ITPKB: variants seen among roughly 807,000 people sequenced by gnomAD.
The protein encoded by ITPKB is inositol-trisphosphate 3-kinase B.
In ITPKB, 13 loss-of-function variants were observed where a neutral mutation model predicts 69.4. That is an observed-to-expected ratio of 0.19 (90% confidence interval 0.12 to 0.30). The LOEUF is 0.30. Among genes scored for constraint, ITPKB ranks in the 10% least tolerant of loss-of-function variants. The pLI, the probability that ITPKB is intolerant of heterozygous loss-of-function variation, is 1.00. For missense variants in ITPKB, 1,240 were observed against 1,250.5 expected (o/e 0.99, Z 0.13); for synonymous variants, 584 against 513.7 (o/e 1.14, Z -1.85).
intron 2 of ITPKB, chr1:226,707,309 C>T (rs1488329436): frequency 1.0e-5 from 2 of 195,820 alleles, no homozygotes; most frequent in Non-Finnish European, 1.8e-5. Context: ...AATTCTCCTG[C>T]CTCAGCCTCC....
intron 2 of ITPKB, among the ~76,000 whole-genome samples, chr1:226,659,299 G>T (rs1012168311): frequency 1.3e-5 from 2 of 152,090 alleles, no homozygotes; most frequent in African/African-American, 4.8e-5. Context: ...GGCCCAGACG[G>T]CAAGGACAGG....
chr1:226,684,676 T>G (rs1373193913), intron 2 of ITPKB, among the ~76,000 whole-genome samples: 1 of 152,198 alleles, frequency 6.6e-6, no homozygotes, highest in African/African-American at 2.4e-5. Context: ...CATGCAAAGA[T>G]CTCAGGCCTT....
At chr1:226,636,049 A>G (rs1330185445) in intron 7 of ITPKB, among the ~76,000 whole-genome samples, 1 of 152,254 alleles carries the variant, frequency 6.6e-6, no homozygotes, top group Non-Finnish European at 1.5e-5. Context: ...CTCTTTCTAG[A>G]CCTTAAGGGA....
intron 2 of ITPKB, among the ~76,000 whole-genome samples, chr1:226,682,933 C>T (rs959946107): frequency 6.6e-6 from 1 of 152,280 alleles, no homozygotes; most frequent in African/African-American, 2.4e-5. Context: ...GTTCTACCTA[C>T]CAAAGTGGGT....
In ITPKB at chr1:226,633,921, G is replaced by C. The variant is rs1668773681; in HGVS notation, c.*750C>G. ...GCAGAGTGTGCCTTCTGAACTCATG[G>C]GTTGCAATTCCAAGTGGCACAGCTT... is the stretch of plus-strand genomic sequence containing the variant. On this transcript the variant is annotated 3_prime_UTR_variant, in exon 8 of 8. Transcript: ENST00000429204. 6.6e-6 allele frequency: 1 copy of C among 152,260 alleles called. No individual in the cohort carries two copies. The highest frequency in any genetic ancestry group is 1.5e-5 in the Non-Finnish European group (1 of 68,078). The allele number at this position is 152,260 out of a possible 1,614,324, so 9.4% of individuals were successfully genotyped here. A position where few individuals can be genotyped will look rare whatever the true frequency, so the allele number is the denominator to read the frequency against.
intron 2 of ITPKB, among the ~76,000 whole-genome samples, chr1:226,729,631 T>A (rs371524076): frequency 0.01 from 1,571 of 152,044 alleles, 13 homozygotes; most frequent in Middle Eastern, 0.045. Context: ...CAGGCTGGAG[T>A]GCAATGGTGC....
intron 2 of ITPKB, among the ~76,000 whole-genome samples, chr1:226,727,256 T>G (rs988728962): frequency 2.6e-5 from 4 of 152,246 alleles, no homozygotes; most frequent in Non-Finnish European, 5.9e-5. Flanking sequence ...GAAGAAGCAC[T>G]TCACAGGAGA....
chr1:226,717,680 G>A (rs115970863), intron 2 of ITPKB, among the ~76,000 whole-genome samples: 7,385 of 152,296 alleles, frequency 0.048, 261 homozygotes, highest in Non-Finnish European at 0.078. Context: ...CTGTGGAGAC[G>A]GAGCTGGGAG....
chr1:226,735,726 T>C lies in ITPKB; in HGVS notation c.1733A>G (p.Glu578Gly), dbSNP rs747976781. The change falls in exon 2 of 8, where the codon GAG becomes GGG. Residue 578 changes from glutamate (E) to glycine (G), a missense_variant. Physicochemically the swap from Glu to Gly is moderately conservative, Grantham distance 98. Around this residue, in one of 2 missense-constraint regions of ITPKB, gnomAD observed 992 missense variants for 853.8 expected, o/e 1.16. Transcript: ENST00000429204. ...CTGCGTCTCCTCCAAGGCCCCATCC[T>C]CCTGGGTGCCCATGTCTGTAATGAT... ...AVIITDMGTQ[E>G]DGALEETQGS... is the part of the protein sequence containing the mutation. 4.3e-5 allele frequency: 69 copies of C among 1,586,516 alleles called. No individual in the cohort carries two copies. The highest frequency in any genetic ancestry group is 5.9e-5 in the Non-Finnish European group (69 of 1,163,256).
chr1:226,668,209 G>A (rs984717985), intron 2 of ITPKB, among the ~76,000 whole-genome samples: 1 of 152,130 alleles, frequency 6.6e-6, no homozygotes, highest in Non-Finnish European at 1.5e-5. Context: ...ATATATGTAA[G>A]CTTCAAATTC....
chr1:226,647,436 C>G, intron 3 of ITPKB, 56 bp from the exon 4 acceptor site: 1 of 1,330,370 alleles, frequency 7.5e-7, no homozygotes, highest in Non-Finnish European at 1.1e-6. Context: ...CTGGCAGAGG[C>G]ACCCTCCCCA....
At chr1:226,725,189 A>G (rs967616396) in intron 2 of ITPKB, among the ~76,000 whole-genome samples, 2 of 152,214 alleles carry the variant, frequency 1.3e-5, no homozygotes, top group Non-Finnish European at 2.9e-5. Flanking sequence ...CAATATGTCT[A>G]TTGGCATTAA....
At chr1:226,670,775 A>G (rs942992668) in intron 2 of ITPKB, among the ~76,000 whole-genome samples, 1 of 152,274 alleles carries the variant, frequency 6.6e-6, no homozygotes, top group Non-Finnish European at 1.5e-5. Flanking sequence ...CACTACATGC[A>G]TATTTGTAAG....
At chr1:226,651,537 T>G (rs1669194800) in intron 2 of ITPKB, among the ~76,000 whole-genome samples, 1 of 152,006 alleles carries the variant, frequency 6.6e-6, no homozygotes, top group Admixed American at 6.6e-5. Flanking sequence ...CTGTGCTAGG[T>G]GGAGTTGCTG....
intron 2 of ITPKB, among the ~76,000 whole-genome samples, chr1:226,718,943 T>C (rs1297518181): frequency 1.3e-5 from 2 of 152,188 alleles, no homozygotes; most frequent in Admixed American, 1.3e-4. Flanking sequence ...TTATTCAAAA[T>C]AGCCAGACCT....
chr1:226,722,393 G>C (rs1188580169), intron 2 of ITPKB, among the ~76,000 whole-genome samples: 1 of 152,236 alleles, frequency 6.6e-6, no homozygotes, highest in Non-Finnish European at 1.5e-5. Flanking sequence ...GAAGGACCCA[G>C]AACCTGCAGG....
intron 2 of ITPKB, among the ~76,000 whole-genome samples, chr1:226,654,825 C>T (rs1012713069): frequency 6.6e-6 from 1 of 152,136 alleles, no homozygotes; most frequent in Admixed American, 6.6e-5. Flanking sequence ...AGAGGGCAAA[C>T]GGGCATAACC....
At chr1:226,668,007 G>T (rs909995673) in intron 2 of ITPKB, among the ~76,000 whole-genome samples, 1 of 152,174 alleles carries the variant, frequency 6.6e-6, no homozygotes, top group East Asian at 1.9e-4. Flanking sequence ...GGCCTGGCAC[G>T]GAGCAGTTTG....
At chr1:226,727,150 T>C (rs956164802) in intron 2 of ITPKB, among the ~76,000 whole-genome samples, 1 of 152,230 alleles carries the variant, frequency 6.6e-6, no homozygotes, top group Non-Finnish European at 1.5e-5. Flanking sequence ...ATCATTCAGA[T>C]AGCTAACGCG....
Sources: gnomAD v4.1 joint callset for allele counts (sites outside exome capture counted in the v4.1 genomes callset) on GRCh38, gnomAD v4.1.1 for gene constraint, gnomAD v4.1.1 regional missense constraint, MANE v1.5 for transcripts, NCBI Gene and HGNC (gene_info 2026-07-23, HGNC 2026-07-21) for gene names.